Variants in ACAN observed in about 807,000 individuals in gnomAD.
The protein encoded by ACAN is aggrecan core protein.
In ACAN, 47 loss-of-function variants were observed where a neutral mutation model predicts 169.1. That is an observed-to-expected ratio of 0.28 (90% CI 0.22 to 0.35). The LOEUF (loss-of-function observed/expected upper bound fraction) is 0.35. ACAN is among the 10% of genes least tolerant of loss of function. ACAN has a pLI of 1.00. For synonymous variants in ACAN, 1,115 were observed against 1,112.2 expected (o/e 1.00, Z -0.05); for missense variants, 2,716 against 2,759.9 (o/e 0.98, Z 0.36).
In ACAN at chr15:88,851,358, G is replaced by A. The variant is rs761976310; in HGVS notation, c.2027-436G>A. On this transcript the variant is annotated intron_variant, in intron 10 of 18. Transcript: ENST00000560601. The surrounding 1 kb of genome is among the most constrained non-coding windows in gnomAD (Gnocchi z 4.3). ...CCAAGGTTGTTCAGTAGTTGAGAGC[G>A]TGGAGTCTGGTACCAGATGCTTAAA... is the stretch of plus-strand genomic sequence containing the variant. The A allele has an allele frequency of 3.9e-4, 61 of 158,210 alleles. No homozygotes were observed. The highest frequency in any genetic ancestry group is 1.4e-3 in the African/African-American group (58 of 41,676). 9.8% of individuals were successfully genotyped at this position (158,210 alleles called of 1,614,324 possible). A position where few individuals can be genotyped will look rare whatever the true frequency, so the allele number is the denominator to read the frequency against.
At position 88,872,546 on chromosome 15, in the gene ACAN, C is replaced by G. The variant is rs753488866; in HGVS notation, c.7303-335C>G. Reference sequence around the variant, plus strand: ...TAAGAGCTGTGTTCCTACCATCCATCCCTACCCAATGTGGTCAGCCCTGGT... The same window carrying G: ...TAAGAGCTGTGTTCCTACCATCCATGCCTACCCAATGTGGTCAGCCCTGGT... On this transcript the variant is annotated intron_variant, in intron 16 of 18. Coordinates refer to ENST00000560601, the MANE Select transcript of ACAN (RefSeq NM_001369268.1). This position sits in a 1 kb window ranked among gnomAD's most constrained non-coding sequence, Gnocchi z 5.4. Among the ~76,000 whole-genome samples the G allele has an allele frequency of 6.6e-6, 1 of 152,082 alleles. No homozygotes were observed. Among genetic ancestry groups the G allele is most frequent in the African/African-American group, 2.4e-5 (1 of 41,414 alleles).
At chr15:88,850,083 A>G in intron 10 of ACAN, 1 of 584,416 alleles carries the variant, frequency 1.7e-6, no homozygotes, top group South Asian at 2.2e-5. Context: ...AGAATTAATT[A>G]AGTGCACGTG....
Position 88,838,536 on chromosome 15 carries a change from G to A in ACAN, c.71-127G>A, listed in dbSNP as rs1596130408. ...ATGACACGGGAGCATCCCCATCATA[G>A]AGACAGACACACTCATCGGATTTCG... On this transcript the variant is annotated intron_variant, in intron 2 of 18. Coordinates refer to ENST00000560601, the MANE Select transcript of ACAN (RefSeq NM_001369268.1). This position sits in a 1 kb window ranked among gnomAD's most constrained non-coding sequence, Gnocchi z 5.1. 8.5e-7 allele frequency: 1 copy of A among 1,182,434 alleles called. No homozygotes were observed. The highest frequency in any genetic ancestry group is 1.2e-6 in the Non-Finnish European group (1 of 839,202). The allele number at this position is 1,182,434 out of a possible 1,614,324, so 73.2% of individuals were successfully genotyped here. A position where few individuals can be genotyped will look rare whatever the true frequency, so the allele number is the denominator to read the frequency against.
At chr15:88,841,706 T>C in intron 4 of ACAN, 34 bp from the exon 5 acceptor site, 1 of 1,613,156 alleles carries the variant, frequency 6.2e-7, no homozygotes, top group Non-Finnish European at 8.5e-7. Flanking sequence ...CTTTGTCCCC[T>C]GAGTGTCACA....
Position 88,873,790 on chromosome 15 carries a change from G to A in ACAN, c.7448-52G>A, listed in dbSNP as rs1897438378. 6.3e-7 allele frequency: 1 copy of A among 1,584,798 alleles called. No individual in the cohort carries two copies. Among genetic ancestry groups the A allele is most frequent in the Admixed American group, 1.7e-5 (1 of 57,700 alleles). ...GTGCCTCGGGTCACAACCAGCATAG[G>A]TCATCCCAGGAGACCCTATGAGACC... On this transcript the variant is annotated intron_variant, in intron 17 of 18. Transcript: ENST00000560601. The surrounding 1 kb of genome is among the most constrained non-coding windows in gnomAD (Gnocchi z 7.5).
intron 1 of ACAN, among the ~76,000 whole-genome samples, chr15:88,804,174 G>T (rs1166539671): frequency 6.6e-6 from 1 of 152,194 alleles, no homozygotes; most frequent in African/African-American, 2.4e-5. Flanking sequence ...AGGGAATGTG[G>T]GTTCAAATCC....
At position 88,871,662 on chromosome 15, in the gene ACAN, G is replaced by A. The variant is rs1162986175; in HGVS notation, c.7219+122G>A. On this transcript the variant is annotated intron_variant, in intron 15 of 18. Transcript: ENST00000560601. This position sits in a 1 kb window ranked among gnomAD's most constrained non-coding sequence, Gnocchi z 7.8. ...CTGCAGGACAGGGACCTGGGGGAGG[G>A]GGAACAGTGTTCCCACAGTCTGAGC... The A allele has an allele frequency of 7.5e-7, 1 of 1,324,590 alleles. No homozygotes were observed. The highest frequency in any genetic ancestry group is 2.3e-5 in the Admixed American group (1 of 42,670). The allele number at this position is 1,324,590 out of a possible 1,614,324, so 82.1% of individuals were successfully genotyped here.
At position 88,874,164 on chromosome 15, in the gene ACAN, C is replaced by A; in HGVS notation, c.7630+140C>A. The stretch of plus-strand genomic sequence containing the variant: ...GGGAGGTCGGGGGGCTGCTCAGTCA[C>A]AAATAGCTGACCACTGCCCTTAGAA... On this transcript the variant is annotated intron_variant, in intron 18 of 18. Coordinates refer to ENST00000560601, the MANE Select transcript of ACAN (RefSeq NM_001369268.1). The surrounding 1 kb of genome is among the most constrained non-coding windows in gnomAD (Gnocchi z 7.3). 3.3e-6 allele frequency: 4 copies of A among 1,226,202 alleles called. No individual in the cohort carries two copies. Among genetic ancestry groups the A allele is most frequent in the Non-Finnish European group, 4.6e-6 (4 of 866,188 alleles). The allele number at this position is 1,226,202 out of a possible 1,614,324, so 76.0% of individuals were successfully genotyped here. A position where few individuals can be genotyped will look rare whatever the true frequency, so the allele number is the denominator to read the frequency against.
chr15:88,874,279 C>T lies in ACAN; in HGVS notation c.7631-126C>T, dbSNP rs898514292. On this transcript the variant is annotated intron_variant, in intron 18 of 18. Coordinates refer to ENST00000560601, the MANE Select transcript of ACAN (RefSeq NM_001369268.1). The surrounding 1 kb of genome is among the most constrained non-coding windows in gnomAD (Gnocchi z 7.3). Reference sequence around the variant, plus strand: ...CAAGAAAAATCCAAATCAGGAAAGCCGATAAAGCCTCAGGCGCCTGAGTCC... The same window carrying T: ...CAAGAAAAATCCAAATCAGGAAAGCTGATAAAGCCTCAGGCGCCTGAGTCC... 6 of 1,098,662 alleles carry T rather than the reference C, an allele frequency of 5.5e-6. No homozygotes were observed. The highest frequency in any genetic ancestry group is 1.4e-5 in the South Asian group (1 of 73,222). The allele number at this position is 1,098,662 out of a possible 1,614,324, so 68.1% of individuals were successfully genotyped here.
Position 88,841,132 on chromosome 15 carries a change from G to A in ACAN, c.630-608G>A, listed in dbSNP as rs541630844. ...TGCACTCCAGCCTAGGTGACAGAGC[G>A]AGACTCCGTCTCAAAAAATAAAAGA... On this transcript the variant is annotated intron_variant, in intron 4 of 18. Coordinates refer to ENST00000560601, the MANE Select transcript of ACAN (RefSeq NM_001369268.1). 3.5e-4 allele frequency among the ~76,000 whole-genome samples: 54 copies of A among 152,318 alleles called. 1 individual carries two copies. In the East Asian group the frequency reaches 6.9e-3, roughly 20 times the overall value.
intron 1 of ACAN, among the ~76,000 whole-genome samples, chr15:88,820,303 G>A (rs1392517127): frequency 6.6e-6 from 1 of 152,134 alleles, no homozygotes; most frequent in Non-Finnish European, 1.5e-5. Flanking sequence ...ATCGAGGACG[G>A]CAAACTGGAT....
At position 88,847,274 on chromosome 15, in the gene ACAN, C is replaced by T. The variant is rs1187320722; in HGVS notation, c.1461C>T (p.Thr487=). 33 of 1,564,980 alleles carry T rather than the reference C, an allele frequency of 2.1e-5. No homozygotes were observed. Among genetic ancestry groups the T allele is most frequent in the Non-Finnish European group, 2.8e-5 (32 of 1,156,114 alleles). The change falls in exon 8 of 19, where the codon ACC becomes ACT. Residue 487 remains threonine (T), a synonymous_variant. Transcript: ENST00000560601. ...TCTTCCACTACCGCCCGGGACCCAC[C>T]CGCTACTCGCTGACCTTTGAGGAGG... ...GVVFHYRPGP[T]RYSLTFEEAQ... is the part of the protein sequence containing the mutation.
intron 2 of ACAN, among the ~76,000 whole-genome samples, chr15:88,837,120 C>A (rs1214839497): frequency 6.6e-6 from 1 of 152,224 alleles, no homozygotes; most frequent in Admixed American, 6.5e-5. Flanking sequence ...TACGGGGACA[C>A]CATACCCCTG....
chr15:88,849,390 G>C lies in ACAN; in HGVS notation c.1733-48G>C. ...GTCCTGGGTGGGCAGGGATGGACCTGGCCTGAGTGTGGGGGGGTCATATTC... is the reference window on the plus strand; with the variant it reads ...GTCCTGGGTGGGCAGGGATGGACCTCGCCTGAGTGTGGGGGGGTCATATTC... On this transcript the variant is annotated intron_variant, in intron 9 of 18. Transcript: ENST00000560601. The surrounding 1 kb of genome is among the most constrained non-coding windows in gnomAD (Gnocchi z 5.1). The C allele has an allele frequency of 2.0e-6, 3 of 1,499,886 alleles. No homozygotes were observed. The highest frequency in any genetic ancestry group is 1.8e-6 in the Non-Finnish European group (2 of 1,119,822). 92.9% of individuals were successfully genotyped at this position (1,499,886 alleles called of 1,614,324 possible).
chr15:88,816,739 C>T (rs551451694), intron 1 of ACAN, among the ~76,000 whole-genome samples: 2 of 152,286 alleles, frequency 1.3e-5, no homozygotes, highest in African/African-American at 4.8e-5. Flanking sequence ...GCAAAGAGGC[C>T]TGTTACCCAG....
rs1897018693 is a variant in ACAN, at chr15:88,855,066, G to A, written c.2481G>A (p.Lys827=). 1 of 1,583,474 alleles carries A rather than the reference G, an allele frequency of 6.3e-7. No individual in the cohort carries two copies. The highest frequency in any genetic ancestry group is 8.6e-7 in the Non-Finnish European group (1 of 1,167,032). Reference sequence around the variant, plus strand: ...CCTCAGAGGAGCCATTCCCCTCCAAGGAGCCATCCCCCTCAGAGGAACCAT... The same window carrying A: ...CCTCAGAGGAGCCATTCCCCTCCAAAGAGCCATCCCCCTCAGAGGAACCAT... ...LFPSEEPFPS[K]EPSPSEEPSA... The change falls in exon 12 of 19, where the codon AAG becomes AAA. Residue 827 remains lysine, a synonymous_variant. Coordinates refer to ENST00000560601, the MANE Select transcript of ACAN (RefSeq NM_001369268.1).
At position 88,855,206 on chromosome 15, in the gene ACAN, G is replaced by C. The variant is rs945279211; in HGVS notation, c.2621G>C (p.Gly874Ala). 30 of 1,605,324 alleles carry C rather than the reference G, an allele frequency of 1.9e-5. No homozygotes were observed. The highest frequency in any genetic ancestry group is 2.4e-5 in the Non-Finnish European group (28 of 1,173,606). ...PDVSGDFTGS[G>A]DVSGHLDFSG... Reference sequence around the variant, plus strand: ...GTCAGTGGTGACTTCACAGGCAGTGGAGATGTTTCAGGACACCTTGACTTC... The same window carrying C: ...GTCAGTGGTGACTTCACAGGCAGTGCAGATGTTTCAGGACACCTTGACTTC... Residue 874 changes from glycine (G) to alanine (A), a missense_variant, in exon 12 of 19, where the codon GGA (glycine) becomes GCA (alanine). Coordinates refer to ENST00000560601, the MANE Select transcript of ACAN (RefSeq NM_001369268.1).
chr15:88,865,430 C>A (rs1269696184), intron 13 of ACAN, among the ~76,000 whole-genome samples: 4 of 152,160 alleles, frequency 2.6e-5, no homozygotes, highest in African/African-American at 9.7e-5. Context: ...TCTGTTCTTT[C>A]TTTCTTTCTT....
intron 12 of ACAN, 50 bp from the exon 13 acceptor site, chr15:88,860,276 A>G: frequency 1.5e-6 from 2 of 1,372,570 alleles, no homozygotes; most frequent in Non-Finnish European, 2.0e-6. Flanking sequence ...AGGCCATGGT[A>G]GCCAGGTGAC....
Sources: allele counts gnomAD v4.1 joint callset (sites outside exome capture counted in the v4.1 genomes callset), GRCh38; gene constraint gnomAD v4.1.1; non-coding constraint Gnocchi (gnomAD v3.1); transcripts MANE v1.5; gene names NCBI Gene and HGNC (gene_info 2026-07-23, HGNC 2026-07-21).